BTRC: variants seen among roughly 807,000 people sequenced by gnomAD.
BTRC encodes the protein F-box/WD repeat-containing protein 1A.
Under a neutral mutation model 85.5 loss-of-function variants are expected in BTRC, and 42 were observed. That is an observed-to-expected ratio of 0.49 (90% CI 0.38 to 0.64). The LOEUF (loss-of-function observed/expected upper bound fraction) is 0.64, where lower values mean the gene tolerates loss of function less well. Ranked by LOEUF, BTRC falls within the 30% of genes least tolerant of loss-of-function variation. The pLI, the probability that BTRC is intolerant of heterozygous loss-of-function variation, is 0.00. For synonymous variants in BTRC, 255 were observed against 263.3 expected, an observed-to-expected ratio of 0.97 and a Z score of 0.30; for missense variants, 594 against 743.5, an observed-to-expected ratio of 0.80 and a Z score of 2.34.
intron 3 of BTRC, among the ~76,000 whole-genome samples, chr10:101,467,649 A>G (rs1418634682): frequency 1.3e-5 from 2 of 151,944 alleles, no homozygotes; most frequent in Non-Finnish European, 2.9e-5. Context: ...TTACTCTATA[A>G]AACTTGCTAC....
intron 1 of BTRC, among the ~76,000 whole-genome samples, chr10:101,413,150 A>C (rs908671517): frequency 5.9e-5 from 9 of 151,962 alleles, no homozygotes; most frequent in African/African-American, 1.9e-4. Context: ...TTTGAGATGG[A>C]GTCTTGCTCT....
chr10:101,506,860 A>C (rs1946555592), intron 4 of BTRC, among the ~76,000 whole-genome samples: 2 of 152,182 alleles, frequency 1.3e-5, no homozygotes, highest in South Asian at 4.1e-4. Flanking sequence ...GGGTTTTTGA[A>C]AAGAGATCTA....
intron 1 of BTRC, among the ~76,000 whole-genome samples, chr10:101,376,323 TCAA>T (rs968401099): frequency 1.5e-4 from 23 of 152,158 alleles, no homozygotes; most frequent in South Asian, 2.1e-4. Flanking sequence ...AGACTCCATC[TCAA>T]CAACAACAAC....
rs538977932 is a variant in BTRC, at chr10:101,377,528, G to A, written c.48+23300G>A. 2.6e-5 allele frequency among the ~76,000 whole-genome samples: 4 copies of A among 152,250 alleles called. No individual in the cohort carries two copies. The South Asian group carries it at 6.2e-4, about 24-fold the overall frequency. On this transcript the variant is annotated intron_variant, in intron 1 of 14. Transcript: ENST00000370187. Reference sequence around the variant, plus strand: ...TGAGAGTTCTAGTTGATCTACATCCGTGTCAGCATTTGGGATTATCAGTAT... The same window carrying A: ...TGAGAGTTCTAGTTGATCTACATCCATGTCAGCATTTGGGATTATCAGTAT...
At chr10:101,363,807 G>A (rs1942285303) in intron 1 of BTRC, among the ~76,000 whole-genome samples, 1 of 152,162 alleles carries the variant, frequency 6.6e-6, no homozygotes, top group Admixed American at 6.5e-5. Flanking sequence ...GGTGGCCAGA[G>A]TGGAAGAATT....
chr10:101,386,649 C>G (rs533143007), intron 1 of BTRC, among the ~76,000 whole-genome samples: 2 of 152,092 alleles, frequency 1.3e-5, no homozygotes, highest in Non-Finnish European at 2.9e-5. Flanking sequence ...CATGAAGAAC[C>G]AAGGACTTGT....
At chr10:101,370,109 C>A (rs1942589848) in intron 1 of BTRC, among the ~76,000 whole-genome samples, 2 of 152,154 alleles carry the variant, frequency 1.3e-5, no homozygotes, top group South Asian at 4.1e-4. Context: ...ATGGACATAT[C>A]CCTTATCCTG....
intron 8 of BTRC, 40 bp from the exon 9 acceptor site, chr10:101,532,912 A>T: frequency 1.3e-6 from 2 of 1,484,846 alleles, no homozygotes; most frequent in Non-Finnish European, 1.9e-6. Context: ...ACAGCACCCC[A>T]TCATCACATT....
At chr10:101,543,668 T>C (rs970898784) in intron 13 of BTRC, among the ~76,000 whole-genome samples, 1 of 152,046 alleles carries the variant, frequency 6.6e-6, no homozygotes, top group Admixed American at 6.5e-5. Flanking sequence ...TTCTTAGTTA[T>C]ATCTCACTAA....
At chr10:101,513,552 G>T (rs1199826816) in intron 4 of BTRC, among the ~76,000 whole-genome samples, 2 of 151,994 alleles carry the variant, frequency 1.3e-5, no homozygotes, top group Non-Finnish European at 2.9e-5. Context: ...TTTGTACCTG[G>T]CTTCTTTGAT....
intron 4 of BTRC, among the ~76,000 whole-genome samples, chr10:101,502,135 A>G (rs910720841): frequency 2.6e-5 from 4 of 152,184 alleles, no homozygotes; most frequent in African/African-American, 9.7e-5. Flanking sequence ...AACAGCCAGA[A>G]TTTTAGTCTG....
chr10:101,515,420 T>A lies in BTRC; in HGVS notation c.325-6219T>A, dbSNP rs181798313. Among the ~76,000 whole-genome samples the A allele has an allele frequency of 5.3e-5, 8 of 152,324 alleles. No homozygotes were observed. In the East Asian group the frequency reaches 1.3e-3, roughly 26 times the overall value. ...CATCTTAATAGATCCAATTTCTGAA[T>A]ACAGTGTATCTCTCCATTTATTTAA... On this transcript the variant is annotated intron_variant, in intron 4 of 14. Transcript: ENST00000370187.
At chr10:101,422,544 A>G (rs1006970145) in intron 1 of BTRC, among the ~76,000 whole-genome samples, 8 of 152,334 alleles carry the variant, frequency 5.3e-5, no homozygotes, top group African/African-American at 1.9e-4. Context: ...GTCCTTGCCC[A>G]TGCCTATGTC....
chr10:101,509,545 C>A (rs1188937407), intron 4 of BTRC, among the ~76,000 whole-genome samples: 1 of 148,006 alleles, frequency 6.8e-6, no homozygotes, highest in Non-Finnish European at 1.5e-5. Context: ...TGAGCCACCG[C>A]GCCCAGCCTT....
chr10:101,531,362 C>A, intron 7 of BTRC, 29 bp downstream of exon 7: 1 of 1,473,284 alleles, frequency 6.8e-7, no homozygotes, highest in Non-Finnish European at 9.4e-7. Context: ...TGGGGTATTG[C>A]CCAAGGGCAC....
At chr10:101,505,584 C>T (rs1946514757) in intron 4 of BTRC, among the ~76,000 whole-genome samples, 1 of 150,164 alleles carries the variant, frequency 6.7e-6, no homozygotes, top group Non-Finnish European at 1.5e-5. Context: ...TGTGCCACTG[C>T]ACTCCAACCT....
intron 3 of BTRC, among the ~76,000 whole-genome samples, chr10:101,470,766 C>A (rs182819408): frequency 6.6e-6 from 1 of 152,228 alleles, no homozygotes; most frequent in East Asian, 1.9e-4. Flanking sequence ...ATTCTATGAT[C>A]CATCTCAAAT....
At chr10:101,377,775 A>T (rs1942827501) in intron 1 of BTRC, among the ~76,000 whole-genome samples, 1 of 152,176 alleles carries the variant, frequency 6.6e-6, no homozygotes, top group African/African-American at 2.4e-5. Context: ...ACTATTGAAT[A>T]TTCATGGTTT....
At chr10:101,515,506 A>G (rs1036201167) in intron 4 of BTRC, among the ~76,000 whole-genome samples, 4 of 139,844 alleles carry the variant, frequency 2.9e-5, no homozygotes, top group Non-Finnish European at 6.5e-5. Context: ...TATTACACAA[A>G]TTTTATCCAT....
Sources: allele counts gnomAD v4.1 joint callset (sites outside exome capture counted in the v4.1 genomes callset), GRCh38; gene constraint gnomAD v4.1.1; transcripts MANE v1.5; gene names NCBI Gene and HGNC (gene_info 2026-07-23, HGNC 2026-07-21).